NT5DC1: variants seen among roughly 807,000 people sequenced by gnomAD.
NT5DC1 encodes the protein 5'-nucleotidase domain-containing protein 1.
A neutral mutation model predicts 59.4 loss-of-function variants in NT5DC1; 42 were observed. The observed-to-expected ratio is 0.71, with a 90% CI of 0.55 to 0.92. The LOEUF is 0.92. NT5DC1 is among the 40% of genes least tolerant of loss of function. The pLI, the probability that NT5DC1 is intolerant of heterozygous loss-of-function variation, is 0.00. For synonymous variants in NT5DC1, 172 were observed against 188.1 expected (o/e 0.91, Z 0.70); for missense variants, 501 against 537.1 (o/e 0.93, Z 0.66).
At chr6:116,236,523 G>T (rs1401896780) in intron 8 of NT5DC1, among the ~76,000 whole-genome samples, 1 of 152,154 alleles carries the variant, frequency 6.6e-6, no homozygotes, top group African/African-American at 2.4e-5. Context: ...GGCACCAAGG[G>T]TGCAAAATTT....
intron 6 of NT5DC1, among the ~76,000 whole-genome samples, chr6:116,177,115 G>A (rs1168155121): frequency 6.6e-6 from 1 of 152,156 alleles, no homozygotes; most frequent in Non-Finnish European, 1.5e-5. Context: ...ATAAATACTA[G>A]TGTCTCATAG....
chr6:116,213,261 A>AG (rs1033067454), intron 6 of NT5DC1, among the ~76,000 whole-genome samples: 1 of 152,086 alleles, frequency 6.6e-6, no homozygotes, highest in African/African-American at 2.4e-5. Flanking sequence ...TGGATGTCCA[A>AG]GGGGCTCACT....
intron 6 of NT5DC1, among the ~76,000 whole-genome samples, chr6:116,208,424 C>T (rs1161444936): frequency 6.6e-6 from 1 of 152,002 alleles, no homozygotes; most frequent in African/African-American, 2.4e-5. Context: ...CAGTGTATCT[C>T]TTTGAAGCTA....
chr6:116,231,288 C>T (rs970015258), intron 8 of NT5DC1, among the ~76,000 whole-genome samples: 1 of 151,042 alleles, frequency 6.6e-6, no homozygotes, highest in Non-Finnish European at 1.5e-5. Flanking sequence ...TGCCAAGAAA[C>T]AGAGAAAGTA....
rs557727288 is a variant in NT5DC1, at chr6:116,223,123, G to A, written c.794G>A (p.Arg265Gln). ...CACTTACCAAGTCAGAGACCTTTCC[G>A]GACACTCGGTAAGTTACATTTGGTT... ...FSHLPSQRPF[R>Q]TLENDEEQEA... The change falls in exon 8 of 12, where the codon CGG becomes CAG. Residue 265 changes from arginine to glutamine, a missense_variant. Coordinates refer to ENST00000319550, the MANE Select transcript of NT5DC1 (RefSeq NM_152729.3). 1.3e-5 allele frequency: 21 copies of A among 1,569,428 alleles called. No individual in the cohort carries two copies. The highest frequency in any genetic ancestry group is 3.4e-5 in the Admixed American group (2 of 59,594).
At chr6:116,213,716 G>A (rs1165349385) in intron 6 of NT5DC1, among the ~76,000 whole-genome samples, 1 of 151,876 alleles carries the variant, frequency 6.6e-6, no homozygotes, top group Non-Finnish European at 1.5e-5. Context: ...ATTATAATGA[G>A]CTACTAAAAA....
chr6:116,231,525 G>A (rs903912229), intron 8 of NT5DC1, among the ~76,000 whole-genome samples: 6 of 152,200 alleles, frequency 3.9e-5, no homozygotes, highest in Non-Finnish European at 8.8e-5. Flanking sequence ...GATGTTTAGG[G>A]CAGAGACTTG....
intron 10 of NT5DC1, 121 bp from the exon 11 acceptor site, chr6:116,238,834 C>A: frequency 6.4e-6 from 4 of 625,470 alleles, no homozygotes; most frequent in South Asian, 2.1e-5. Flanking sequence ...TAATGTGGGC[C>A]CAAAGCCTAT....
intron 6 of NT5DC1, among the ~76,000 whole-genome samples, chr6:116,220,370 G>A (rs907444947): frequency 1.3e-5 from 2 of 152,094 alleles, no homozygotes; most frequent in Non-Finnish European, 2.9e-5. Context: ...GCCACCATCT[G>A]CCCTGGAGCT....
rs1452581908 is a variant in NT5DC1, at chr6:116,110,904, CAAGA to C, written c.317_320del (p.Lys106SerfsTer40). ...CAGAGGTGCTGGCAGAGGCATATGGCAAGAAAGAGTGGAAGCACTTCTTGTCGGA... is the reference window on the plus strand; with the variant it reads ...CAGAGGTGCTGGCAGAGGCATATGGCAAGAGTGGAAGCACTTCTTGTCGGA... On this transcript the variant is annotated frameshift_variant, in exon 4 of 12. Transcript: ENST00000319550. LOFTEE classifies it high-confidence loss of function. The C allele has an allele frequency of 2.5e-6, 4 of 1,614,088 alleles. No homozygotes were observed. The highest frequency in any genetic ancestry group is 3.4e-6 in the Non-Finnish European group (4 of 1,179,936).
chr6:116,101,091 C>T (rs1420553952), intron 1 of NT5DC1, 68 bp downstream of exon 1: 16 of 1,182,956 alleles, frequency 1.4e-5, no homozygotes, highest in African/African-American at 3.2e-5. Flanking sequence ...GAGTTTCCTC[C>T]AGGTTTGGGC....
In NT5DC1 at chr6:116,238,258, C is replaced by G; in HGVS notation, c.993C>G (p.Val331=). ...GTCACTATAGTAATTGGGAGACAGT[C>G]CTCATCCTGGAAGAACTCAGAGGGG... is the stretch of plus-strand genomic sequence containing the variant. The part of the protein sequence containing the change: ...PARHYSNWET[V]LILEELRGDE... The change falls in exon 10 of 12, where the codon GTC becomes GTG. Residue 331 remains valine (V), a synonymous_variant. Transcript: ENST00000319550. The G allele has an allele frequency of 6.2e-7, 1 of 1,612,560 alleles. No homozygotes were observed. The highest frequency in any genetic ancestry group is 8.5e-7 in the Non-Finnish European group (1 of 1,178,906).
chr6:116,167,777 A>C (rs1053808957), intron 6 of NT5DC1, among the ~76,000 whole-genome samples: 6 of 152,272 alleles, frequency 3.9e-5, no homozygotes, highest in African/African-American at 1.2e-4. Context: ...ATAGCCCTCA[A>C]GTTGTTATGA....
intron 6 of NT5DC1, among the ~76,000 whole-genome samples, chr6:116,143,639 C>T (rs1428709402): frequency 2.0e-5 from 3 of 152,072 alleles, no homozygotes; most frequent in African/African-American, 7.3e-5. Context: ...GAGAGTGTGC[C>T]ATTTTTTATT....
intron 6 of NT5DC1, among the ~76,000 whole-genome samples, chr6:116,167,089 AT>A (rs1385086408): frequency 1.3e-5 from 2 of 152,138 alleles, no homozygotes; most frequent in African/African-American, 4.8e-5. Context: ...AGCATGTGAT[AT>A]CCGTAGAATT....
chr6:116,223,199 G>T, intron 8 of NT5DC1, 68 bp downstream of exon 8: 1 of 762,142 alleles, frequency 1.3e-6, no homozygotes, highest in Non-Finnish European at 2.3e-6. Flanking sequence ...AGAACACTGT[G>T]TTGCATGCAA....
intron 2 of NT5DC1, among the ~76,000 whole-genome samples, chr6:116,107,957 A>C (rs918934511): frequency 6.6e-6 from 1 of 152,066 alleles, no homozygotes; most frequent in African/African-American, 2.4e-5. Context: ...AGTGTAGGAA[A>C]GACTGGCTAA....
intron 6 of NT5DC1, 158 bp downstream of exon 6, chr6:116,118,103 G>A (rs979466684): frequency 2.1e-5 from 14 of 662,958 alleles, no homozygotes; most frequent in Non-Finnish European, 2.8e-6. Context: ...ATTTTCAGAA[G>A]TCCTTTTATT....
intron 4 of NT5DC1, among the ~76,000 whole-genome samples, chr6:116,111,534 TATAA>T (rs1778875083): frequency 6.6e-6 from 1 of 152,252 alleles, no homozygotes; most frequent in African/African-American, 2.4e-5. Flanking sequence ...TAAATGTTTT[TATAA>T]ATAGACCTTA....
Sources: allele counts gnomAD v4.1 joint callset (sites outside exome capture counted in the v4.1 genomes callset), GRCh38; gene constraint gnomAD v4.1.1; transcripts MANE v1.5; gene names NCBI Gene and HGNC (gene_info 2026-07-23, HGNC 2026-07-21).